Variants in ZMIZ1 observed in about 807,000 individuals in gnomAD.
ZMIZ1 encodes the protein zinc finger MIZ domain-containing protein 1.
In ZMIZ1, 17 loss-of-function variants were observed where a neutral mutation model predicts 113.9. The ratio of observed to expected loss-of-function variants is 0.15; its 90% CI spans 0.10 to 0.22. The LOEUF (loss-of-function observed/expected upper bound fraction) is 0.22, where lower values mean the gene tolerates loss of function less well. Among genes scored for constraint, ZMIZ1 ranks in the 10% least tolerant of loss-of-function variants. ZMIZ1 has a pLI of 1.00. For missense variants in ZMIZ1, 1,059 were observed against 1,477.8 expected, an observed-to-expected ratio of 0.72 and a Z score of 4.65; for synonymous variants, 607 against 603.1, an observed-to-expected ratio of 1.01 and a Z score of -0.09.
At chr10:79,203,914 G>A (rs1848208575) in intron 5 of ZMIZ1, among the ~76,000 whole-genome samples, 2 of 152,208 alleles carry the variant, frequency 1.3e-5, no homozygotes, top group South Asian at 4.1e-4. Flanking sequence ...CACACAGAGG[G>A]CTCTGCTTTT....
chr10:79,129,184 C>T (rs1158890032), intron 2 of ZMIZ1, among the ~76,000 whole-genome samples: 2 of 152,142 alleles, frequency 1.3e-5, no homozygotes, highest in East Asian at 3.9e-4. Flanking sequence ...AGCAACCATA[C>T]ACAAGGTACT....
intron 6 of ZMIZ1, among the ~76,000 whole-genome samples, chr10:79,214,239 T>C (rs1004891792): frequency 2.0e-5 from 3 of 152,096 alleles, no homozygotes; most frequent in African/African-American, 7.2e-5. Context: ...GACTGGGACA[T>C]GTAGAGGGGC....
At chr10:79,174,528 A>G (rs182449481) in intron 4 of ZMIZ1, among the ~76,000 whole-genome samples, 5 of 152,284 alleles carry the variant, frequency 3.3e-5, no homozygotes, top group African/African-American at 1.2e-4. Flanking sequence ...GAAACCTAGC[A>G]TGTCAGAGGA....
At chr10:79,146,638 G>A (rs1300904257) in intron 3 of ZMIZ1, among the ~76,000 whole-genome samples, 1 of 152,232 alleles carries the variant, frequency 6.6e-6, no homozygotes, top group Admixed American at 6.5e-5. Context: ...GGAACGGCTG[G>A]GTGGCCACAG....
At chr10:79,070,151 G>A (rs55883128) in intron 1 of ZMIZ1, among the ~76,000 whole-genome samples, 13 of 151,190 alleles carry the variant, frequency 8.6e-5, no homozygotes, top group East Asian at 7.8e-4. Context: ...GGGGTCGGGG[G>A]GGGGAGGCGG....
intron 7 of ZMIZ1, among the ~76,000 whole-genome samples, chr10:79,248,578 T>C (rs1850352823): frequency 6.6e-6 from 1 of 152,138 alleles, no homozygotes; most frequent in Non-Finnish European, 1.5e-5. Context: ...TGTGGGAATG[T>C]CCCTGCCCCT....
Position 79,313,297 on chromosome 10 carries a change from AG to A in ZMIZ1, c.*549del, listed in dbSNP as rs1391674636. 1 of 154,272 alleles carries A rather than the reference AG, an allele frequency of 6.5e-6. No homozygotes were observed. The highest frequency in any genetic ancestry group is 1.4e-5 in the Non-Finnish European group (1 of 69,384). The allele number at this position is 154,272 out of a possible 1,614,324, so 9.6% of individuals were successfully genotyped here. On this transcript the variant is annotated 3_prime_UTR_variant, in exon 25 of 25. Transcript: ENST00000334512. Reference sequence around the variant, plus strand: ...CACCCACCACCACCCACCACAGAAAAGCACAAACCTCTGGGAAAGACAACGT... The same window carrying A: ...CACCCACCACCACCCACCACAGAAAACACAAACCTCTGGGAAAGACAACGT...
chr10:79,089,905 C>T (rs1020072780), intron 1 of ZMIZ1, among the ~76,000 whole-genome samples: 13 of 152,266 alleles, frequency 8.5e-5, no homozygotes, highest in East Asian at 3.9e-4. Flanking sequence ...CGGGATGCGC[C>T]GGAGTGTAAT....
At chr10:79,169,483 G>A (rs1403256261) in intron 4 of ZMIZ1, among the ~76,000 whole-genome samples, 1 of 152,240 alleles carries the variant, frequency 6.6e-6, no homozygotes, top group Non-Finnish European at 1.5e-5. Flanking sequence ...GCATCCTGTA[G>A]CCAGCTTAGC....
intron 1 of ZMIZ1, among the ~76,000 whole-genome samples, chr10:79,104,704 CT>C (rs1843489713): frequency 6.6e-6 from 1 of 152,158 alleles, no homozygotes; most frequent in Non-Finnish European, 1.5e-5. Context: ...CCTGGGAGTC[CT>C]GCCAAACCCA....
chr10:79,123,556 A>G (rs1844389361), intron 2 of ZMIZ1, among the ~76,000 whole-genome samples: 1 of 152,086 alleles, frequency 6.6e-6, no homozygotes, highest in Non-Finnish European at 1.5e-5. Context: ...TCCTCCACTG[A>G]GCAGCATGGT....
chr10:79,155,458 G>T (rs1386185031), intron 3 of ZMIZ1, among the ~76,000 whole-genome samples: 6 of 152,196 alleles, frequency 3.9e-5, no homozygotes, highest in Admixed American at 3.9e-4. Flanking sequence ...TCTTGGCTGG[G>T]CCCTTCCCTC....
At position 79,252,820 on chromosome 10, in the gene ZMIZ1, C is replaced by T. The variant is rs112541631; in HGVS notation, c.281-24361C>T. On this transcript the variant is annotated intron_variant, in intron 7 of 24. Transcript: ENST00000334512. ...GTGACCCTTACTAGGCACACTGCAC[C>T]GTCAGTACAGCACTTAGTGCAGCCC... Among the ~76,000 whole-genome samples the T allele has an allele frequency of 6.3e-3, 967 of 152,290 alleles. 15 individuals are homozygous for T. Among genetic ancestry groups the T allele is most frequent in the African/African-American group, 0.022 (921 of 41,542 alleles).
chr10:79,200,091 G>A (rs1848006663), intron 4 of ZMIZ1, among the ~76,000 whole-genome samples: 1 of 152,198 alleles, frequency 6.6e-6, no homozygotes, highest in African/African-American at 2.4e-5. Context: ...AGAGAATGCA[G>A]GTGTCCAGCA....
At chr10:79,200,549 C>A (rs116978162) in intron 4 of ZMIZ1, among the ~76,000 whole-genome samples, 1 of 152,252 alleles carries the variant, frequency 6.6e-6, no homozygotes, top group African/African-American at 2.4e-5. Context: ...TCCCTGCACC[C>A]GCACTGTCAG....
At chr10:79,145,344 T>TGTCCGCGCGACAGA (rs34517813) in intron 3 of ZMIZ1, among the ~76,000 whole-genome samples, 2,117 of 151,870 alleles carry the variant, frequency 0.014, 46 homozygotes, top group South Asian at 0.051. Flanking sequence ...CATTCCGGAG[T>TGTCCGCGCGACAGA]GCCTGCGAGG....
chr10:79,288,910 T>G (rs531509670), intron 8 of ZMIZ1, among the ~76,000 whole-genome samples: 2 of 152,302 alleles, frequency 1.3e-5, no homozygotes, highest in South Asian at 4.2e-4. Context: ...TGGTGGGTAC[T>G]GCTGGACCTG....
At chr10:79,125,671 C>A (rs1000170299) in intron 2 of ZMIZ1, among the ~76,000 whole-genome samples, 1 of 152,200 alleles carries the variant, frequency 6.6e-6, no homozygotes, top group Admixed American at 6.5e-5. Context: ...AGCGACCTTG[C>A]AGCAAGTAAT....
intron 4 of ZMIZ1, among the ~76,000 whole-genome samples, chr10:79,163,911 G>A (rs899318489): frequency 1.3e-5 from 2 of 152,208 alleles, no homozygotes; most frequent in Admixed American, 6.5e-5. Context: ...CCTTCACGGT[G>A]GGTTCTCTTT....
Sources: gnomAD v4.1 joint callset for allele counts (sites outside exome capture counted in the v4.1 genomes callset) on GRCh38, gnomAD v4.1.1 for gene constraint, MANE v1.5 for transcripts, NCBI Gene and HGNC (gene_info 2026-07-23, HGNC 2026-07-21) for gene names.